Variants in DIP2C observed in about 807,000 individuals in gnomAD.
DIP2C encodes disco-interacting protein 2 homolog C.
DIP2C carries 33 observed loss-of-function variants against 192.4 expected under a neutral mutation model. That is an observed-to-expected ratio of 0.17 (90% CI 0.13 to 0.23). DIP2C has a LOEUF of 0.23. DIP2C is among the 10% of genes least tolerant of loss of function. The pLI, the probability that DIP2C is intolerant of heterozygous loss-of-function variation, is 1.00. For missense variants in DIP2C, 1,537 were observed against 2,110.1 expected, an observed-to-expected ratio of 0.73 and a Z score of 5.32; for synonymous variants, 979 against 864.1, an observed-to-expected ratio of 1.13 and a Z score of -2.33.
In DIP2C at chr10:472,426, A is replaced by ACC. The variant is rs767781833; in HGVS notation, c.268+11_268+12dup. 6.2e-7 allele frequency: 1 copy of ACC among 1,611,142 alleles called. No individual in the cohort carries two copies. The highest frequency in any genetic ancestry group is 8.5e-7 in the Non-Finnish European group (1 of 1,178,116). On this transcript the variant is annotated intron_variant, in intron 3 of 36. Coordinates refer to ENST00000280886, the MANE Select transcript of DIP2C (RefSeq NM_014974.3). ...GCAGATGGACGTATTGTATCACCCC[A>ACC]CCCCGTGCTTACCTGACCGATAGCG...
At chr10:293,346 A>G (rs1446893107) in intron 32 of DIP2C, among the ~76,000 whole-genome samples, 1 of 152,256 alleles carries the variant, frequency 6.6e-6, no homozygotes. Context: ...CCGGTCATGG[A>G]AAGCTGAGCT....
At chr10:392,128 C>T (rs1963512036) in intron 10 of DIP2C, among the ~76,000 whole-genome samples, 2 of 152,098 alleles carry the variant, frequency 1.3e-5, no homozygotes, top group African/African-American at 4.8e-5. Context: ...CAAGTAAAGC[C>T]CTAATCAGTC....
chr10:599,839 G>A (rs1309249484), intron 1 of DIP2C, among the ~76,000 whole-genome samples: 20 of 152,192 alleles, frequency 1.3e-4, no homozygotes, highest in Admixed American at 1.3e-3. Flanking sequence ...TTTCCTCCAT[G>A]CACTGAGGAT....
chr10:579,699 A>G (rs1290996567), intron 1 of DIP2C, among the ~76,000 whole-genome samples: 1 of 152,100 alleles, frequency 6.6e-6, no homozygotes, highest in Non-Finnish European at 1.5e-5. Flanking sequence ...ACATGTATGT[A>G]CACATAGTGT....
chr10:415,682 A>C, intron 7 of DIP2C, 87 bp downstream of exon 7: 1 of 1,549,810 alleles, frequency 6.5e-7, no homozygotes, highest in Non-Finnish European at 8.8e-7. Flanking sequence ...GCTCTTAAAA[A>C]GTAAAATAGC....
At chr10:324,873 C>T (rs997955774) in intron 31 of DIP2C, 2 of 513,290 alleles carry the variant, frequency 3.9e-6, no homozygotes, top group Admixed American at 4.2e-5. Flanking sequence ...CATTCTGTCC[C>T]TTTCCTGCGC....
At chr10:593,232 G>A (rs576966115) in intron 1 of DIP2C, among the ~76,000 whole-genome samples, 1 of 151,976 alleles carries the variant, frequency 6.6e-6, no homozygotes, top group South Asian at 2.1e-4. Flanking sequence ...CCCCGGGGTG[G>A]TCTCATCGTC....
intron 1 of DIP2C, among the ~76,000 whole-genome samples, chr10:593,371 C>T (rs1445369937): frequency 6.6e-6 from 1 of 152,066 alleles, no homozygotes; most frequent in East Asian, 1.9e-4. Flanking sequence ...CCCAACATCA[C>T]CTTAGTGATA....
intron 1 of DIP2C, among the ~76,000 whole-genome samples, chr10:580,105 A>C (rs1454882736): frequency 3.9e-5 from 6 of 152,174 alleles, no homozygotes; most frequent in African/African-American, 7.2e-5. Context: ...ATTTGTATGT[A>C]CATAGGTATA....
chr10:627,007 T>G lies in DIP2C; in HGVS notation c.85+62487A>C, dbSNP rs1034892367. Among the ~76,000 whole-genome samples, 4 of 152,372 alleles carry G rather than the reference T, an allele frequency of 2.6e-5. 1 individual carries two copies. Among genetic ancestry groups the G allele is most frequent in the Middle Eastern group, 6.8e-3 (2 of 294 alleles). ...CCTTGTGCCTTTTAGGAAAACCTCC[T>G]TCCCTCCAGCTTTGTCCTCCTTCCA... On this transcript the variant is annotated intron_variant, in intron 1 of 36. Coordinates refer to ENST00000280886, the MANE Select transcript of DIP2C (RefSeq NM_014974.3).
At chr10:364,346 T>C (rs377383441) in intron 20 of DIP2C, 28 bp downstream of exon 20, 14 of 1,596,970 alleles carry the variant, frequency 8.8e-6, no homozygotes, top group African/African-American at 8.1e-5. Flanking sequence ...CCGGAAACCA[T>C]ATGCTTGATT....
At chr10:571,117 CAT>C (rs1166385722) in intron 1 of DIP2C, among the ~76,000 whole-genome samples, 6 of 152,366 alleles carry the variant, frequency 3.9e-5, no homozygotes, top group Admixed American at 1.3e-4. Flanking sequence ...AGAATGGAGA[CAT>C]GTGAGGAATC....
intron 1 of DIP2C, among the ~76,000 whole-genome samples, chr10:595,744 C>T (rs1388643967): frequency 6.6e-6 from 1 of 152,152 alleles, no homozygotes; most frequent in Non-Finnish European, 1.5e-5. Context: ...CGGCCCTCCA[C>T]AAAGTCAGGT....
In DIP2C at chr10:525,792, T is replaced by G. The variant is rs576650238; in HGVS notation, c.86-39262A>C. On this transcript the variant is annotated intron_variant, in intron 1 of 36. Transcript: ENST00000280886. ...ACCCTGCGATGGCCAGGCATCTCAA[T>G]GAGACAGCCGGGCCTGAGTGACCTG... is the stretch of plus-strand genomic sequence containing the variant. Among the ~76,000 whole-genome samples, 5 of 152,260 alleles carry G rather than the reference T, an allele frequency of 3.3e-5. No individual in the cohort carries two copies. In the East Asian group the frequency reaches 7.7e-4, roughly 23 times the overall value.
intron 14 of DIP2C, among the ~76,000 whole-genome samples, chr10:385,389 ATTAAGTAAT>A (rs1386979798): frequency 2.6e-5 from 4 of 152,204 alleles, no homozygotes; most frequent in Non-Finnish European, 4.4e-5. Context: ...TCCTGACAGA[ATTAAGTAAT>A]TTAAGTCCAA....
intron 1 of DIP2C, among the ~76,000 whole-genome samples, chr10:582,407 C>T (rs1290159567): frequency 6.6e-6 from 1 of 152,156 alleles, no homozygotes; most frequent in African/African-American, 2.4e-5. Context: ...ATAACAAGAC[C>T]CCATCCCTGC....
chr10:542,077 C>A (rs1183924731), intron 1 of DIP2C, among the ~76,000 whole-genome samples: 2 of 152,192 alleles, frequency 1.3e-5, no homozygotes, highest in South Asian at 2.1e-4. Flanking sequence ...ACTGACTGCA[C>A]TCTCAGAAAA....
At chr10:432,779 A>G (rs919116425) in intron 4 of DIP2C, among the ~76,000 whole-genome samples, 1 of 152,196 alleles carries the variant, frequency 6.6e-6, no homozygotes, top group African/African-American at 2.4e-5. Context: ...ATATGCATTT[A>G]AAGCTATAAA....
At chr10:417,975 C>A (rs200691583) in intron 6 of DIP2C, among the ~76,000 whole-genome samples, 8 of 62,686 alleles carry the variant, frequency 1.3e-4, no homozygotes, top group African/African-American at 6.5e-4. Flanking sequence ...TGTCAGGGCT[C>A]GGATAGGCCT....
Sources: allele counts gnomAD v4.1 joint callset (sites outside exome capture counted in the v4.1 genomes callset), GRCh38; gene constraint gnomAD v4.1.1; transcripts MANE v1.5; gene names NCBI Gene and HGNC (gene_info 2026-07-23, HGNC 2026-07-21).